PIR: variants seen among roughly 807,000 people sequenced by gnomAD.
PIR encodes pirin.
In PIR, 22 loss-of-function variants were observed where a neutral mutation model predicts 24.2. That is an observed-to-expected ratio of 0.91 (90% CI 0.65 to 1.30). The LOEUF (loss-of-function observed/expected upper bound fraction) is 1.30, where lower values mean the gene tolerates loss of function less well. Among genes scored for constraint, PIR ranks in the 50% most tolerant of loss-of-function variants. The pLI is 0.00. For synonymous variants in PIR, 80 were observed against 79.6 expected, an observed-to-expected ratio of 1.00 and a Z score of -0.03; for missense variants, 220 against 220.3, an observed-to-expected ratio of 1.00 and a Z score of 0.01.
chrX:15,468,611 T>C (rs1275484723), intron 3 of PIR, among the ~76,000 whole-genome samples: 1 of 112,362 alleles, frequency 8.9e-6, no homozygotes, highest in Non-Finnish European at 1.9e-5. Flanking sequence ...TATGATTCCC[T>C]GATTCAATTC....
intron 2 of PIR, among the ~76,000 whole-genome samples, chrX:15,490,876 G>A (rs1419604941): frequency 8.9e-6 from 1 of 112,196 alleles, no homozygotes; most frequent in Non-Finnish European, 1.9e-5. Context: ...TGCATGCTGA[G>A]GCAGATAGCA....
intron 6 of PIR, among the ~76,000 whole-genome samples, chrX:15,416,292 G>A (rs768973171): frequency 1.8e-5 from 2 of 111,631 alleles, no homozygotes; most frequent in Non-Finnish European, 3.8e-5. Flanking sequence ...GAATTAAATC[G>A]GCTTTTGCGT....
chrX:15,470,576 TTTTC>T (rs1250260776), intron 3 of PIR, among the ~76,000 whole-genome samples: 1,508 of 87,285 alleles, frequency 0.017, 33 homozygotes, highest in African/African-American at 0.023. Flanking sequence ...CCCACTCAAT[TTTTC>T]TTTCTTTCTT....
At chrX:15,434,823 T>C (rs181177919) in intron 5 of PIR, among the ~76,000 whole-genome samples, 283 of 111,309 alleles carry the variant, frequency 2.5e-3, no homozygotes, top group African/African-American at 7.7e-3. Flanking sequence ...ATCTTTTCCT[T>C]CCAATGCTTT....
At chrX:15,448,666 A>T (rs1602275578) in intron 5 of PIR, among the ~76,000 whole-genome samples, 1 of 111,643 alleles carries the variant, frequency 9.0e-6, no homozygotes, top group East Asian at 2.8e-4. Flanking sequence ...CCCTGCCATA[A>T]CTCCACAAGT....
chrX:15,404,836 T>A (rs1924504272), intron 7 of PIR, among the ~76,000 whole-genome samples: 1 of 111,609 alleles, frequency 9.0e-6, no homozygotes, highest in Non-Finnish European at 1.9e-5. Flanking sequence ...AGCCACTCAC[T>A]GGTTAAAGCA....
chrX:15,441,817 C>T (rs1925924656), intron 5 of PIR, among the ~76,000 whole-genome samples: 1 of 111,537 alleles, frequency 9.0e-6, no homozygotes, highest in Non-Finnish European at 1.9e-5. Flanking sequence ...AAGAAGATGC[C>T]TGTGACTGTA....
chrX:15,407,586 C>T (rs779495488), intron 6 of PIR, 36 bp from the exon 7 acceptor site: 34 of 1,051,035 alleles, frequency 3.2e-5, no homozygotes, highest in Non-Finnish European at 4.4e-5. Context: ...TGTTAGTGTC[C>T]ATAATGCCAA....
chrX:15,483,859 C>G lies in PIR; in HGVS notation c.97-4038G>C, dbSNP rs138119976. On this transcript the variant is annotated intron_variant, in intron 2 of 9. Coordinates refer to ENST00000380420, the MANE Select transcript of PIR (RefSeq NM_001018109.3). ...GCACCAGTCCTATAAATATCACAGCCATCACTTCCCTAGGTACAAAACAAA... is the reference window on the plus strand; with the variant it reads ...GCACCAGTCCTATAAATATCACAGCGATCACTTCCCTAGGTACAAAACAAA... 4.5e-3 allele frequency among the ~76,000 whole-genome samples: 507 copies of G among 112,588 alleles called. 2 individuals are homozygous for G. Among genetic ancestry groups the G allele is most frequent in the African/African-American group, 0.016 (487 of 30,977 alleles).
intron 3 of PIR, among the ~76,000 whole-genome samples, chrX:15,472,287 T>C (rs912113512): frequency 1.8e-5 from 2 of 112,224 alleles, no homozygotes; most frequent in Admixed American, 9.4e-5. Context: ...AATAATCTTG[T>C]CCACAACTTT....
chrX:15,428,071 G>A (rs1925381245), intron 5 of PIR, among the ~76,000 whole-genome samples: 2 of 111,151 alleles, frequency 1.8e-5, no homozygotes, highest in Non-Finnish European at 3.8e-5. Context: ...AAATGCTCTG[G>A]TAGACTTTTG....
intron 3 of PIR, among the ~76,000 whole-genome samples, chrX:15,463,925 CA>C (rs772272575): frequency 9.9e-5 from 11 of 110,958 alleles, no homozygotes; most frequent in Non-Finnish European, 1.7e-4. Flanking sequence ...TCTAAGGAAA[CA>C]AAAAAAACAA....
rs1021603171 is a variant in PIR at position 15,397,384 on chromosome X, G to C, written c.693+65C>G. On this transcript the variant is annotated intron_variant, in intron 8 of 9. Transcript: ENST00000380420. ...AACTTTCAGTTATCCACAACATTTAGGCATTTTCTTGGAAACCAGTAGAAA... is the reference window on the plus strand; with the variant it reads ...AACTTTCAGTTATCCACAACATTTACGCATTTTCTTGGAAACCAGTAGAAA... 2.0e-5 allele frequency: 15 copies of C among 739,511 alleles called. No homozygotes were observed. In the Admixed American group the frequency reaches 2.7e-4, roughly 13 times the overall value. 60.9% of individuals were successfully genotyped at this position (739,511 alleles called of 1,213,427 possible).
chrX:15,489,142 G>A (rs910540400), intron 2 of PIR, among the ~76,000 whole-genome samples: 3 of 111,815 alleles, frequency 2.7e-5, no homozygotes, highest in East Asian at 5.6e-4. Flanking sequence ...TCACATTACA[G>A]TTGTTAGTAG....
intron 2 of PIR, among the ~76,000 whole-genome samples, chrX:15,485,562 T>C (rs1922764805): frequency 8.9e-6 from 1 of 111,846 alleles, no homozygotes; most frequent in African/African-American, 3.3e-5. Context: ...TGGTCACCAA[T>C]CCATGAAATA....
At chrX:15,474,893 CA>C (rs1436791765) in intron 3 of PIR, among the ~76,000 whole-genome samples, 1 of 112,099 alleles carries the variant, frequency 8.9e-6, no homozygotes, top group Non-Finnish European at 1.9e-5. Flanking sequence ...TACTGGTAGA[CA>C]GTCTTGTCTT....
chrX:15,426,852 T>C (rs1925333635), intron 5 of PIR, among the ~76,000 whole-genome samples: 1 of 111,836 alleles, frequency 8.9e-6, no homozygotes, highest in Non-Finnish European at 1.9e-5. Flanking sequence ...CAGACGAATA[T>C]ATGCATAATC....
At chrX:15,408,035 C>G (rs1256694591) in intron 6 of PIR, among the ~76,000 whole-genome samples, 1 of 111,565 alleles carries the variant, frequency 9.0e-6, no homozygotes, top group Non-Finnish European at 1.9e-5. Flanking sequence ...CAACCTCTGC[C>G]TCCCAGATTC....
intron 6 of PIR, among the ~76,000 whole-genome samples, chrX:15,414,806 C>A (rs891831716): frequency 5.4e-5 from 6 of 110,508 alleles, no homozygotes; most frequent in Non-Finnish European, 1.1e-4. Flanking sequence ...CCATGCCCAG[C>A]CTGAGAAAAA....
Sources: allele counts gnomAD v4.1 joint callset (sites outside exome capture counted in the v4.1 genomes callset), GRCh38; gene constraint gnomAD v4.1.1; transcripts MANE v1.5; gene names NCBI Gene and HGNC (gene_info 2026-07-23, HGNC 2026-07-21).